DLG2: variants seen among roughly 807,000 people sequenced by gnomAD.
DLG2 encodes disks large homolog 2.
In DLG2, 45 loss-of-function variants were observed where a neutral mutation model predicts 132.5. That is an observed-to-expected ratio of 0.34 (90% CI 0.27 to 0.44). DLG2 has a LOEUF of 0.44. Ranked by LOEUF, DLG2 falls within the 20% of genes least tolerant of loss-of-function variation. The pLI is 1.00. For synonymous variants in DLG2, 424 were observed against 419.6 expected (o/e 1.01, Z -0.13); for missense variants, 1,045 against 1,196.9 (o/e 0.87, Z 1.87).
intron 3 of DLG2, among the ~76,000 whole-genome samples, chr11:85,311,146 G>A (rs2080288364): frequency 6.6e-6 from 1 of 152,088 alleles, no homozygotes; most frequent in South Asian, 2.1e-4. Flanking sequence ...ATGACCCACA[G>A]CCTAAAATAT....
chr11:85,359,201 T>C (rs1325202665), intron 3 of DLG2, among the ~76,000 whole-genome samples: 3 of 152,230 alleles, frequency 2.0e-5, no homozygotes, highest in Non-Finnish European at 2.9e-5. Context: ...AATGAACACA[T>C]CTTCAAGCTC....
chr11:85,596,953 G>A (rs1373110502), intron 3 of DLG2, among the ~76,000 whole-genome samples: 1 of 152,200 alleles, frequency 6.6e-6, no homozygotes, highest in South Asian at 2.1e-4. Flanking sequence ...ATCCTAAAAT[G>A]ACTTTTAACG....
intron 3 of DLG2, among the ~76,000 whole-genome samples, chr11:85,343,647 C>T (rs112167574): frequency 3.9e-5 from 6 of 152,010 alleles, no homozygotes; most frequent in East Asian, 1.9e-4. Context: ...CACACACACG[C>T]GCGTACACGC....
chr11:84,932,098 G>C (rs2048162298), intron 6 of DLG2, among the ~76,000 whole-genome samples: 1 of 152,080 alleles, frequency 6.6e-6, no homozygotes, highest in Admixed American at 6.5e-5. Flanking sequence ...GGTTTCTTTT[G>C]CTGTGCAGTA....
intron 4 of DLG2, among the ~76,000 whole-genome samples, chr11:85,262,498 T>C (rs1181324372): frequency 1.3e-5 from 2 of 152,172 alleles, no homozygotes; most frequent in Non-Finnish European, 2.9e-5. Context: ...AATGGGAGTC[T>C]GAAGGAACTC....
intron 6 of DLG2, among the ~76,000 whole-genome samples, chr11:85,091,659 C>T (rs767095140): frequency 2.0e-5 from 3 of 152,190 alleles, no homozygotes; most frequent in Non-Finnish European, 4.4e-5. Context: ...ATGTTCACAT[C>T]GTCTTCTTTA....
At chr11:83,873,490 C>G (rs1595755412) in intron 16 of DLG2, among the ~76,000 whole-genome samples, 1 of 152,154 alleles carries the variant, frequency 6.6e-6, no homozygotes, top group Non-Finnish European at 1.5e-5. Context: ...AACCTTGGCT[C>G]TCATTCTCTT....
chr11:84,757,549 G>A (rs1462125922), intron 6 of DLG2, among the ~76,000 whole-genome samples: 1 of 152,130 alleles, frequency 6.6e-6, no homozygotes, highest in African/African-American at 2.4e-5. Context: ...TCCAGAGGAA[G>A]ATAAGGTGTT....
chr11:85,124,689 T>A (rs755562080), intron 5 of DLG2, among the ~76,000 whole-genome samples: 1 of 152,256 alleles, frequency 6.6e-6, no homozygotes, highest in African/African-American at 2.4e-5. Flanking sequence ...CAGGTAGCTA[T>A]AATCATGGGT....
intron 6 of DLG2, among the ~76,000 whole-genome samples, chr11:85,107,003 C>T (rs2071860220): frequency 6.6e-6 from 1 of 151,796 alleles, no homozygotes. Context: ...TTGAGAAATC[C>T]AAGGGTCAGT....
At chr11:85,465,820 G>C (rs286517) in intron 3 of DLG2, among the ~76,000 whole-genome samples, 134,218 of 150,848 alleles carry the variant, frequency 0.89, 59,962 homozygotes, top group African/African-American at 0.91. Context: ...GGTATATACC[G>C]AGTAATGGGA....
intron 18 of DLG2, among the ~76,000 whole-genome samples, chr11:83,754,501 G>A (rs1200812369): frequency 6.6e-6 from 1 of 151,332 alleles, no homozygotes; most frequent in Non-Finnish European, 1.5e-5. Context: ...TGAGTAAATT[G>A]CAAAAGTAAC....
intron 18 of DLG2, among the ~76,000 whole-genome samples, chr11:83,690,748 T>C (rs1318331820): frequency 2.0e-5 from 3 of 152,234 alleles, no homozygotes; most frequent in African/African-American, 4.8e-5. Context: ...CATTTTTATA[T>C]AGTCTATAAG....
intron 7 of DLG2, among the ~76,000 whole-genome samples, chr11:84,458,068 G>A (rs762572654): frequency 5.6e-4 from 84 of 150,774 alleles, no homozygotes; most frequent in Non-Finnish European, 8.3e-4. Context: ...AGACGCAGAT[G>A]TAGATATAAA....
chr11:85,105,406 C>A (rs2071574376), intron 6 of DLG2, among the ~76,000 whole-genome samples: 1 of 151,936 alleles, frequency 6.6e-6, no homozygotes, highest in Non-Finnish European at 1.5e-5. Context: ...AAAAGAGCAA[C>A]ATATCTATTC....
intron 3 of DLG2, among the ~76,000 whole-genome samples, chr11:85,297,337 G>T (rs2152783918): frequency 6.6e-6 from 1 of 152,224 alleles, no homozygotes; most frequent in East Asian, 1.9e-4. Context: ...TATGTTGCAA[G>T]AACCATCCGA....
Position 84,371,453 on chromosome 11 carries a change from G to T in DLG2, c.520-120162C>A, listed in dbSNP as rs554799778. Among the ~76,000 whole-genome samples, 3 of 151,772 alleles carry T rather than the reference G, an allele frequency of 2.0e-5. No homozygotes were observed. The South Asian group carries it at 6.3e-4, about 32-fold the overall frequency. ...TGTATAGACGGGGTTTTGCCCTTTT[G>T]CCCAGGCTGGTCTCAAACTCCTGGG... On this transcript the variant is annotated intron_variant, in intron 7 of 27. Transcript: ENST00000376104.
At chr11:85,574,279 C>G (rs2078020718) in intron 3 of DLG2, among the ~76,000 whole-genome samples, 1 of 151,914 alleles carries the variant, frequency 6.6e-6, no homozygotes, top group Non-Finnish European at 1.5e-5. Flanking sequence ...AATTTCTAAC[C>G]TTGATATCTC....
intron 5 of DLG2, among the ~76,000 whole-genome samples, chr11:85,127,019 A>G (rs2075192986): frequency 6.6e-6 from 1 of 152,164 alleles, no homozygotes; most frequent in Non-Finnish European, 1.5e-5. Context: ...ATGAAATGGG[A>G]AAGAAGTCTG....
Sources: gnomAD v4.1 joint callset for allele counts (sites outside exome capture counted in the v4.1 genomes callset) on GRCh38, gnomAD v4.1.1 for gene constraint, MANE v1.5 for transcripts, NCBI Gene and HGNC (gene_info 2026-07-23, HGNC 2026-07-21) for gene names.